The following PPARD variants were observed in gnomAD, a reference collection of about 807,000 sequenced individuals.
PPARD encodes peroxisome proliferator-activated receptor delta.
In PPARD, 6 loss-of-function variants were observed where a neutral mutation model predicts 39.5. The ratio of observed to expected loss-of-function variants is 0.15; its 90% CI spans 0.08 to 0.30. The LOEUF is 0.30. PPARD is among the 10% of genes least tolerant of loss of function. The probability of loss-of-function intolerance (pLI) is 1.00; values close to 1 mark genes in which losing one functional copy is unlikely to be tolerated. For synonymous variants in PPARD, 210 were observed against 231.3 expected (o/e 0.91, Z 0.83); for missense variants, 397 against 596.8 (o/e 0.67, Z 3.49).
intron 2 of PPARD, among the ~76,000 whole-genome samples, chr6:35,391,069 G>GTTA (rs1197232456): frequency 1.3e-5 from 2 of 151,882 alleles, no homozygotes; most frequent in Non-Finnish European, 2.9e-5. Flanking sequence ...ATAGTTTATT[G>GTTA]TTATTATGGA....
At chr6:35,349,276 C>T (rs979991937) in intron 2 of PPARD, among the ~76,000 whole-genome samples, 5 of 152,050 alleles carry the variant, frequency 3.3e-5, no homozygotes, top group Admixed American at 6.5e-5. Flanking sequence ...CCACCGGCCT[C>T]GGCCTCCCAA....
At chr6:35,415,264 G>A (rs1261749495) in intron 3 of PPARD, among the ~76,000 whole-genome samples, 1 of 152,194 alleles carries the variant, frequency 6.6e-6, no homozygotes, top group Non-Finnish European at 1.5e-5. Context: ...GAAGTAAAGA[G>A]GCTGCTCAGT....
In PPARD at chr6:35,421,833, G is replaced by C. The variant is rs1482560672; in HGVS notation, c.299G>C (p.Arg100Pro). The C allele has an allele frequency of 6.2e-7, 1 of 1,611,974 alleles. No individual in the cohort carries two copies. Among genetic ancestry groups the C allele is most frequent in the Admixed American group, 1.7e-5 (1 of 59,714 alleles). The change falls in exon 5 of 8, where the codon CGT becomes CCT. Residue 100 changes from arginine (R) to proline (P), a missense_variant. Coordinates refer to ENST00000360694, the MANE Select transcript of PPARD (RefSeq NM_006238.5). ...TTGGTGCTTCAGGGCTTCTTCCGTC[G>C]TACGATCCGCATGAAGCTGGAGTAC... ...ACEGCKGFFR[R>P]TIRMKLEYEK...
intron 2 of PPARD, chr6:35,348,291 A>C (rs1336647918): frequency 1.1e-6 from 1 of 926,728 alleles, no homozygotes; most frequent in Non-Finnish European, 1.3e-6. Context: ...TCTCTGCCTC[A>C]TGGGTCTGTG....
At chr6:35,362,935 T>A (rs1320343468) in intron 2 of PPARD, among the ~76,000 whole-genome samples, 1 of 152,162 alleles carries the variant, frequency 6.6e-6, no homozygotes, top group Non-Finnish European at 1.5e-5. Context: ...GTTTGACACA[T>A]CTGGTATATC....
intron 2 of PPARD, among the ~76,000 whole-genome samples, chr6:35,408,299 C>T (rs1765188026): frequency 6.6e-6 from 1 of 152,176 alleles, no homozygotes; most frequent in Admixed American, 6.5e-5. Context: ...CCAATGAACA[C>T]TGTAGCTGCA....
intron 2 of PPARD, among the ~76,000 whole-genome samples, chr6:35,383,834 A>C (rs2150601990): frequency 6.9e-6 from 1 of 144,096 alleles, no homozygotes; most frequent in South Asian, 2.2e-4. Flanking sequence ...TCCACCCGGC[A>C]GCTGCCCCGT....
At chr6:35,362,875 CT>C (rs1762001651) in intron 2 of PPARD, among the ~76,000 whole-genome samples, 1 of 152,206 alleles carries the variant, frequency 6.6e-6, no homozygotes, top group Non-Finnish European at 1.5e-5. Context: ...GAGATTCTCT[CT>C]TTTTCTGCCT....
intron 3 of PPARD, among the ~76,000 whole-genome samples, chr6:35,415,452 A>G (rs1765691443): frequency 6.6e-6 from 1 of 152,262 alleles, no homozygotes; most frequent in African/African-American, 2.4e-5. Flanking sequence ...GAGAGCTCTC[A>G]GCCACAAATG....
At chr6:35,385,908 A>T (rs1029417788) in intron 2 of PPARD, among the ~76,000 whole-genome samples, 4 of 151,662 alleles carry the variant, frequency 2.6e-5, no homozygotes, top group Non-Finnish European at 5.9e-5. Flanking sequence ...TGGGGTGGGG[A>T]GGGCGTTGGG....
rs201655230 is a variant in PPARD, at chr6:35,425,118, C to T, written c.1078+339C>T. 9 of 857,264 alleles carry T rather than the reference C, an allele frequency of 1.0e-5. No homozygotes were observed. The highest frequency in any genetic ancestry group is 1.3e-5 in the Non-Finnish European group (9 of 683,036). 53.1% of individuals were successfully genotyped at this position (857,264 alleles called of 1,614,324 possible). A position where few individuals can be genotyped will look rare whatever the true frequency, so the allele number is the denominator to read the frequency against. ...TGAAACCCCGTCTCTACTAAAAATA[C>T]AAAAAATTAGCCAGATGTGGTGGCA... On this transcript the variant is annotated intron_variant, in intron 7 of 7. Transcript: ENST00000360694. This position sits in a 1 kb window ranked among gnomAD's most constrained non-coding sequence, Gnocchi z 4.5.
intron 2 of PPARD, among the ~76,000 whole-genome samples, chr6:35,409,021 C>T (rs1425320892): frequency 6.6e-6 from 1 of 152,038 alleles, no homozygotes; most frequent in African/African-American, 2.4e-5. Flanking sequence ...GTCTGTGAGG[C>T]TTCCTCAGTC....
At position 35,425,255 on chromosome 6, in the gene PPARD, C is replaced by CA. The variant is rs2150865281; in HGVS notation, c.1078+477dup. ...CACCACTGCACTCCAGCCTGGGTGA[C>CA]AGAGTGAGACCCTGTCTCAAAAAAA... On this transcript the variant is annotated intron_variant, in intron 7 of 7. Coordinates refer to ENST00000360694, the MANE Select transcript of PPARD (RefSeq NM_006238.5). This position sits in a 1 kb window ranked among gnomAD's most constrained non-coding sequence, Gnocchi z 4.5. The CA allele has an allele frequency of 1.0e-6, 1 of 999,706 alleles. No individual in the cohort carries two copies. The highest frequency in any genetic ancestry group is 4.2e-5 in the South Asian group (1 of 23,894). The allele number at this position is 999,706 out of a possible 1,614,324, so 61.9% of individuals were successfully genotyped here.
At chr6:35,394,049 C>G (rs541910209) in intron 2 of PPARD, among the ~76,000 whole-genome samples, 1 of 152,206 alleles carries the variant, frequency 6.6e-6, no homozygotes, top group Admixed American at 6.5e-5. Flanking sequence ...TGTTGATGCT[C>G]GTTTTAAAAA....
chr6:35,349,193 T>G (rs78467018), intron 2 of PPARD, among the ~76,000 whole-genome samples: 1 of 151,286 alleles, frequency 6.6e-6, no homozygotes, highest in African/African-American at 2.4e-5. Flanking sequence ...GCCCGGCTAA[T>G]TTTTTGTATT....
intron 3 of PPARD, among the ~76,000 whole-genome samples, chr6:35,414,396 T>C (rs550705189): frequency 2.0e-5 from 3 of 152,164 alleles, no homozygotes; most frequent in African/African-American, 4.8e-5. Context: ...TCTGCACTAC[T>C]TCCATAATTT....
At chr6:35,388,949 T>G (rs1202507549) in intron 2 of PPARD, among the ~76,000 whole-genome samples, 1 of 152,184 alleles carries the variant, frequency 6.6e-6, no homozygotes, top group Admixed American at 6.5e-5. Context: ...CTCTGTGGGC[T>G]CTGACTCCAA....
intron 2 of PPARD, among the ~76,000 whole-genome samples, chr6:35,386,379 T>C (rs1292952296): frequency 1.4e-5 from 2 of 148,094 alleles, no homozygotes; most frequent in East Asian, 2.0e-4. Context: ...TAGTCCCAGC[T>C]ACTTGGGAGG....
At chr6:35,354,698 G>A (rs561149217) in intron 2 of PPARD, among the ~76,000 whole-genome samples, 5 of 152,264 alleles carry the variant, frequency 3.3e-5, no homozygotes, top group African/African-American at 9.6e-5. Context: ...GATGTTGCCC[G>A]TAGGCTCATG....
Sources: gnomAD v4.1 joint callset for allele counts (sites outside exome capture counted in the v4.1 genomes callset) on GRCh38, gnomAD v4.1.1 for gene constraint, Gnocchi (gnomAD v3.1) non-coding constraint, MANE v1.5 for transcripts, NCBI Gene and HGNC (gene_info 2026-07-23, HGNC 2026-07-21) for gene names.